Variants in ANO8 observed in about 807,000 individuals in gnomAD.
ANO8 encodes the protein anoctamin-8.
ANO8 carries 67 observed loss-of-function variants against 120.4 expected under a neutral mutation model. The observed-to-expected ratio is 0.56, with a 90% CI of 0.46 to 0.68. ANO8 has a LOEUF of 0.68. Ranked by LOEUF, ANO8 falls within the 30% of genes least tolerant of loss-of-function variation. The pLI, the probability that ANO8 is intolerant of heterozygous loss-of-function variation, is 0.00. For missense variants in ANO8, 1,526 were observed against 1,737.6 expected (o/e 0.88, Z 2.16); for synonymous variants, 727 against 759.2 (o/e 0.96, Z 0.70).
At chr19:17,327,920 T>C in intron 13 of ANO8, 40 bp from the exon 14 acceptor site, 1 of 1,594,282 alleles carries the variant, frequency 6.3e-7, no homozygotes, top group Non-Finnish European at 8.6e-7. Context: ...GCCTCTTCCC[T>C]GGGACAATCT....
chr19:17,332,781 C>T (rs577789011), intron 5 of ANO8, 149 bp downstream of exon 5: 1 of 810,524 alleles, frequency 1.2e-6, no homozygotes, highest in African/African-American at 1.7e-5. Flanking sequence ...TTTGCTAAGG[C>T]CACACCCCTT....
Position 17,333,283 on chromosome 19 carries a change from C to A in ANO8, c.351-44G>T, listed in dbSNP as rs777211023. The A allele has an allele frequency of 1.2e-6, 2 of 1,601,892 alleles. No individual in the cohort carries two copies. Among genetic ancestry groups the A allele is most frequent in the Admixed American group, 3.3e-5 (2 of 59,740 alleles). On this transcript the variant is annotated intron_variant, in intron 3 of 17. Coordinates refer to ENST00000159087, the MANE Select transcript of ANO8 (RefSeq NM_020959.3). The surrounding 1 kb of genome is among the most constrained non-coding windows in gnomAD (Gnocchi z 7.2). ...AGGTGGGCTCACAGGGAGGCCCCGG[C>A]CCACCATCCTGGAGCTGAGGATGGT...
intron 5 of ANO8, among the ~76,000 whole-genome samples, chr19:17,332,626 C>T (rs776500592): frequency 1.3e-5 from 2 of 152,186 alleles, no homozygotes; most frequent in East Asian, 1.9e-4. Context: ...ATAAGCCCCA[C>T]CCTTTGGCCA....
intron 16 of ANO8, among the ~76,000 whole-genome samples, chr19:17,326,133 C>G (rs1227234839): frequency 6.6e-6 from 1 of 152,198 alleles, no homozygotes; most frequent in Non-Finnish European, 1.5e-5. Context: ...TGCCAGACAG[C>G]GTCTTAGGAA....
intron 5 of ANO8, among the ~76,000 whole-genome samples, 157 bp downstream of exon 5, chr19:17,332,773 T>A (rs1158338369): frequency 6.6e-5 from 10 of 152,138 alleles, no homozygotes. Context: ...TCCACCCTTT[T>A]GCTAAGGCCA....
chr19:17,334,791 G>A lies in ANO8; in HGVS notation c.-121C>T. 1 of 1,152,152 alleles carries A rather than the reference G, an allele frequency of 8.7e-7. No homozygotes were observed. The highest frequency in any genetic ancestry group is 1.2e-6 in the Non-Finnish European group (1 of 868,042). The allele number at this position is 1,152,152 out of a possible 1,614,324, so 71.4% of individuals were successfully genotyped here. On this transcript the variant is annotated 5_prime_UTR_variant, in exon 1 of 18. Coordinates refer to ENST00000159087, the MANE Select transcript of ANO8 (RefSeq NM_020959.3). The stretch of plus-strand genomic sequence containing the variant: ...GGAGACAAAGGCCGCGCCCGCCCGC[G>A]CCGGCCTCGGTCCTCGCTCGCCCGA...
Position 17,323,663 on chromosome 19 carries a change from G to T in ANO8, c.3553C>A (p.Pro1185Thr). ...PCAMAGPPPA[P>T]QPLPGDASFY... ...CTGGCGTCTCCCGGCAGGGGCTGGG[G>T]GGCGGGTGGGGGCCCGGCCATGGCA... is the stretch of plus-strand genomic sequence containing the variant. Residue 1185 changes from proline (P) to threonine (T), a missense_variant, in exon 18 of 18, where the codon CCC (proline) becomes ACC (threonine). Pro to Thr is a conservative substitution (Grantham distance 38, BLOSUM62 -1). This residue lies in a region of ANO8 where 489 missense variants were observed against 548.6 expected (regional missense o/e 0.89). Coordinates refer to ENST00000159087, the MANE Select transcript of ANO8 (RefSeq NM_020959.3). 1 of 1,217,044 alleles carries T rather than the reference G, an allele frequency of 8.2e-7. No homozygotes were observed. 75.4% of individuals were successfully genotyped at this position (1,217,044 alleles called of 1,614,324 possible).
chr19:17,328,524 G>C lies in ANO8; in HGVS notation c.1864C>G (p.Arg622Gly). The change falls in exon 13 of 18, where the codon CGC becomes GGC. Residue 622 changes from arginine to glycine, a missense_variant. Physicochemically the swap from Arg to Gly is moderately radical, Grantham distance 125 (BLOSUM62 -2). Transcript: ENST00000159087. ...LRLKKVSFAE[R>G]GAGRRRPGPS... ...CCGGGCCGACGCCGCCCCGCGCCGC[G>C]CTCAGCGAAGCTGACCTTCTTCAGC... 1 of 1,550,062 alleles carries C rather than the reference G, an allele frequency of 6.5e-7. No individual in the cohort carries two copies. The highest frequency in any genetic ancestry group is 1.2e-5 in the South Asian group (1 of 84,266).
rs1165793685 is a variant in ANO8 at position 17,333,904 on chromosome 19, C to A, written c.107-104G>T. ...CCGCCAGGGCTCCTCACCACTCCACCTGGCATTCAAGGCCCCGGGAGCTCT... is the reference window on the plus strand; with the variant it reads ...CCGCCAGGGCTCCTCACCACTCCACATGGCATTCAAGGCCCCGGGAGCTCT... On this transcript the variant is annotated intron_variant, in intron 1 of 17. Transcript: ENST00000159087. The surrounding 1 kb of genome is among the most constrained non-coding windows in gnomAD (Gnocchi z 7.2). 4.8e-5 allele frequency: 46 copies of A among 968,322 alleles called. No individual in the cohort carries two copies. The highest frequency in any genetic ancestry group is 6.0e-5 in the Non-Finnish European group (38 of 630,618). The allele number at this position is 968,322 out of a possible 1,614,324, so 60.0% of individuals were successfully genotyped here.
At chr19:17,326,217 G>T (rs1038730955) in intron 16 of ANO8, among the ~76,000 whole-genome samples, 4 of 152,204 alleles carry the variant, frequency 2.6e-5, no homozygotes, top group Non-Finnish European at 4.4e-5. Flanking sequence ...AGACAGAACC[G>T]TGGCTGCAGG....
chr19:17,325,212 C>T lies in ANO8; in HGVS notation c.2836G>A (p.Ala946Thr). ...GLDPATSSEK[A>T]SAKAKGSTAG... ...GTGCTGCCCTTGGCCTTGGCAGAGG[C>T]CTTCTCGGAGGAGGTGGCAGGGTCC... The change falls in exon 17 of 18, where the codon GCC (alanine) becomes ACC (threonine). Residue 946 changes from alanine (A) to threonine (T), a missense_variant. Around this residue, in one of 8 missense-constraint regions of ANO8, gnomAD observed 489 missense variants for 548.6 expected, o/e 0.89. Coordinates refer to ENST00000159087, the MANE Select transcript of ANO8 (RefSeq NM_020959.3). 1 of 1,612,284 alleles carries T rather than the reference C, an allele frequency of 6.2e-7. No homozygotes were observed. The highest frequency in any genetic ancestry group is 1.1e-5 in the South Asian group (1 of 91,038).
rs551413877 is a variant in ANO8 at position 17,325,164 on chromosome 19, G to T, written c.2884C>A (p.Arg962=). 2.2e-5 allele frequency: 35 copies of T among 1,613,320 alleles called. No individual in the cohort carries two copies. The South Asian group carries it at 3.4e-4, about 16-fold the overall frequency. ...AGCAGGGACCCTGGGCGCTTGGGCCGTTCAGGCCCGTGGCCACCCGCAGTG... is the reference window on the plus strand; with the variant it reads ...AGCAGGGACCCTGGGCGCTTGGGCCTTTCAGGCCCGTGGCCACCCGCAGTG... ...GSTAGGHGPE[R]PKRPGSLLAP... The change falls in exon 17 of 18, where the codon CGG becomes AGG. Residue 962 remains arginine, a synonymous_variant. Coordinates refer to ENST00000159087, the MANE Select transcript of ANO8 (RefSeq NM_020959.3).
chr19:17,327,610 C>T (rs1307927601), intron 14 of ANO8, 41 bp from the exon 15 acceptor site: 1 of 1,609,904 alleles, frequency 6.2e-7, no homozygotes, highest in Non-Finnish European at 8.5e-7. Context: ...TCCAGCCGGC[C>T]TCCCCAGACC....
chr19:17,328,776 T>TGCCGCCGCCCCCGCC lies in ANO8; in HGVS notation c.1597_1611dup (p.Gly533_Gly537dup), dbSNP rs1183448769. The TGCCGCCGCCCCCGCC allele has an allele frequency of 1.5e-6, 2 of 1,317,152 alleles. No individual in the cohort carries two copies. The highest frequency in any genetic ancestry group is 4.2e-5 in the Admixed American group (1 of 24,010). The allele number at this position is 1,317,152 out of a possible 1,614,324, so 81.6% of individuals were successfully genotyped here. Reference sequence around the variant, plus strand: ...AGGCACCTGCGGCCCCCGCCCCCGCTGCCGCCGCCCCCGCCCTCATCCGCC... The same window carrying TGCCGCCGCCCCCGCC: ...AGGCACCTGCGGCCCCCGCCCCCGCTGCCGCCGCCCCCGCCGCCGCCGCCCCCGCCCTCATCCGCC... On this transcript the variant is annotated inframe_insertion, in exon 13 of 18. Transcript: ENST00000159087.
rs758718423 is a variant in ANO8, at chr19:17,332,921, C to T, written c.586+9G>A. ...TGCCTGTGATTGGTGTTGACCCCGC[C>T]CTGCTCACTGATTGGCTGGTCCTCC... On this transcript the variant is annotated intron_variant, in intron 5 of 17. Transcript: ENST00000159087. 8 of 1,613,852 alleles carry T rather than the reference C, an allele frequency of 5.0e-6. No individual in the cohort carries two copies. Among genetic ancestry groups the T allele is most frequent in the Non-Finnish European group, 1.7e-6 (2 of 1,180,026 alleles).
intron 16 of ANO8, among the ~76,000 whole-genome samples, chr19:17,325,607 C>G (rs1414822702): frequency 6.6e-6 from 1 of 152,222 alleles, no homozygotes; most frequent in African/African-American, 2.4e-5. Flanking sequence ...ACATGATCAG[C>G]CTCTCTGTGG....
rs1599542605 is a variant in ANO8 at position 17,324,819 on chromosome 19, C to T, written c.3229G>A (p.Gly1077Arg). ...CGGCTGCTGCCACTGCTGGGGGTCC[C>T]ATCTGGCCGGGCCTGCCCGCCCGCC... is the stretch of plus-strand genomic sequence containing the variant. Reference protein sequence around the residue: ...NGAGGQARPDGTPSSGSSRVQ... With the variant: ...NGAGGQARPDRTPSSGSSRVQ... The change falls in exon 17 of 18, where the codon GGG becomes AGG. Residue 1077 changes from glycine (G) to arginine (R), a missense_variant. Transcript: ENST00000159087. The T allele has an allele frequency of 1.2e-6, 2 of 1,607,394 alleles. No homozygotes were observed. Among genetic ancestry groups the T allele is most frequent in the Admixed American group, 1.7e-5 (1 of 59,318 alleles).
chr19:17,330,985 C>T lies in ANO8; in HGVS notation c.836G>A (p.Ser279Asn), dbSNP rs1026542832. Residue 279 changes from serine (S) to asparagine (N), a missense_variant, in exon 8 of 18, where the codon AGC becomes AAC. Physicochemically the swap from Ser to Asn is conservative, Grantham distance 46 (BLOSUM62 1). Coordinates refer to ENST00000159087, the MANE Select transcript of ANO8 (RefSeq NM_020959.3). ...LYTFTEADQTSRDVSCVVFAL... is the reference protein window; with the variant it reads ...LYTFTEADQTNRDVSCVVFAL... ...AAAGACCACGCAGGAAACATCCCGG[C>T]TTGTCTGTGAGTGGCAGAGAAGAGT... 1.9e-6 allele frequency: 3 copies of T among 1,614,072 alleles called. No homozygotes were observed. In the African/African-American group the frequency reaches 4.0e-5, roughly 22 times the overall value.
rs1179428001 is a variant in ANO8, at chr19:17,333,888, C to T, written c.107-88G>A. 1.9e-6 allele frequency: 2 copies of T among 1,061,072 alleles called. No homozygotes were observed. The highest frequency in any genetic ancestry group is 4.1e-5 in the Admixed American group (2 of 48,200). The allele number at this position is 1,061,072 out of a possible 1,614,324, so 65.7% of individuals were successfully genotyped here. ...TTGGCTCCTCCTGCCCCCGCCAGGGCTCCTCACCACTCCACCTGGCATTCA... is the reference window on the plus strand; with the variant it reads ...TTGGCTCCTCCTGCCCCCGCCAGGGTTCCTCACCACTCCACCTGGCATTCA... On this transcript the variant is annotated intron_variant, in intron 1 of 17. Coordinates refer to ENST00000159087, the MANE Select transcript of ANO8 (RefSeq NM_020959.3). The surrounding 1 kb of genome is among the most constrained non-coding windows in gnomAD (Gnocchi z 7.2).
Sources: allele counts gnomAD v4.1 joint callset (sites outside exome capture counted in the v4.1 genomes callset), GRCh38; gene constraint gnomAD v4.1.1; regional missense constraint gnomAD v4.1.1; non-coding constraint Gnocchi (gnomAD v3.1); transcripts MANE v1.5; gene names NCBI Gene and HGNC (gene_info 2026-07-23, HGNC 2026-07-21).